Variants in FHOD3 observed in about 807,000 individuals in gnomAD.
FHOD3 encodes FH1/FH2 domain-containing protein 3.
A neutral mutation model predicts 173.0 loss-of-function variants in FHOD3; 90 were observed. That is an observed-to-expected ratio of 0.52 (90% CI 0.44 to 0.62). FHOD3 has a LOEUF of 0.62. Ranked by LOEUF, FHOD3 falls within the 20% of genes least tolerant of loss-of-function variation. The pLI is 0.00. For missense variants in FHOD3, 1,945 were observed against 2,034.7 expected (o/e 0.96, Z 0.85); for synonymous variants, 828 against 823.0 (o/e 1.01, Z -0.10).
At chr18:36,639,044 C>T (rs2035091114) in intron 10 of FHOD3, among the ~76,000 whole-genome samples, 1 of 152,158 alleles carries the variant, frequency 6.6e-6, no homozygotes, top group African/African-American at 2.4e-5. Context: ...TGAAATAAGA[C>T]CTGGATCCAC....
At chr18:36,323,936 G>A (rs1240284444) in intron 1 of FHOD3, among the ~76,000 whole-genome samples, 1 of 152,214 alleles carries the variant, frequency 6.6e-6, no homozygotes, top group African/African-American at 2.4e-5. Flanking sequence ...AGAACTTGTA[G>A]GGTCAAGACC....
At chr18:36,733,618 G>C (rs759933949) in intron 20 of FHOD3, among the ~76,000 whole-genome samples, 1 of 152,162 alleles carries the variant, frequency 6.6e-6, no homozygotes, top group Non-Finnish European at 1.5e-5. Flanking sequence ...TCAGATTCTA[G>C]AATGAACCAA....
At chr18:36,459,215 G>C (rs1397335473) in intron 3 of FHOD3, among the ~76,000 whole-genome samples, 1 of 152,204 alleles carries the variant, frequency 6.6e-6, no homozygotes, top group Non-Finnish European at 1.5e-5. Context: ...AAGACATCCT[G>C]ATTGAGAAAG....
chr18:36,432,431 A>C (rs1271405640), intron 3 of FHOD3, among the ~76,000 whole-genome samples: 2 of 152,062 alleles, frequency 1.3e-5, no homozygotes, highest in African/African-American at 4.8e-5. Context: ...CCAGTGTAAG[A>C]CTCTGTTCAA....
At chr18:36,377,795 C>G (rs952959269) in intron 3 of FHOD3, among the ~76,000 whole-genome samples, 2 of 152,180 alleles carry the variant, frequency 1.3e-5, no homozygotes, top group African/African-American at 2.4e-5. Flanking sequence ...CTGGGAGACA[C>G]CCCCATCCCA....
chr18:36,354,763 G>A (rs1020898007), intron 1 of FHOD3, among the ~76,000 whole-genome samples: 3 of 151,798 alleles, frequency 2.0e-5, no homozygotes, highest in Non-Finnish European at 4.4e-5. Context: ...CCGAGATCAT[G>A]CCACTGCACT....
chr18:36,482,599 C>A (rs535079187), intron 3 of FHOD3, among the ~76,000 whole-genome samples: 137 of 152,288 alleles, frequency 9.0e-4, no homozygotes, highest in Non-Finnish European at 1.6e-3. Flanking sequence ...CTACCCTGAG[C>A]AACTGATGCA....
chr18:36,762,106 GCTCA>G (rs1443954175), intron 27 of FHOD3, among the ~76,000 whole-genome samples: 1 of 152,124 alleles, frequency 6.6e-6, no homozygotes, highest in Non-Finnish European at 1.5e-5. Flanking sequence ...AATAGGCTTT[GCTCA>G]CTAACTAGTG....
chr18:36,703,983 T>C (rs1033744335), intron 17 of FHOD3, among the ~76,000 whole-genome samples: 9 of 152,262 alleles, frequency 5.9e-5, no homozygotes, highest in Admixed American at 2.6e-4. Context: ...GAATTCCTTT[T>C]AGTGGCTGTG....
At chr18:36,417,019 C>T (rs1016006847) in intron 3 of FHOD3, among the ~76,000 whole-genome samples, 8 of 151,948 alleles carry the variant, frequency 5.3e-5, no homozygotes, top group South Asian at 2.1e-4. Context: ...CATACACACA[C>T]GTACATACAC....
At chr18:36,702,954 C>G (rs1260793457) in intron 17 of FHOD3, among the ~76,000 whole-genome samples, 1 of 152,218 alleles carries the variant, frequency 6.6e-6, no homozygotes, top group African/African-American at 2.4e-5. Context: ...AATCCAGGTT[C>G]AAATGCAAGC....
intron 10 of FHOD3, among the ~76,000 whole-genome samples, chr18:36,642,010 C>T (rs1441584808): frequency 1.3e-5 from 2 of 151,654 alleles, no homozygotes; most frequent in Admixed American, 6.6e-5. Flanking sequence ...CATAATTACA[C>T]TGCTTTTTTA....
At chr18:36,408,000 TTGAC>T (rs994313293) in intron 3 of FHOD3, among the ~76,000 whole-genome samples, 2 of 152,190 alleles carry the variant, frequency 1.3e-5, no homozygotes, top group African/African-American at 2.4e-5. Flanking sequence ...TTGGAACTGT[TTGAC>T]TGAGGCTCAG....
At chr18:36,342,979 C>T (rs1338576273) in intron 1 of FHOD3, among the ~76,000 whole-genome samples, 1 of 152,180 alleles carries the variant, frequency 6.6e-6, no homozygotes, top group Admixed American at 6.5e-5. Flanking sequence ...TATCATTTCA[C>T]ATTTATTAGG....
intron 3 of FHOD3, among the ~76,000 whole-genome samples, chr18:36,428,231 C>G (rs1036495329): frequency 1.3e-5 from 2 of 152,086 alleles, no homozygotes; most frequent in African/African-American, 2.4e-5. Flanking sequence ...ACTCCCCAAG[C>G]AGATGATAAA....
In FHOD3 at chr18:36,771,722, G is replaced by A. The variant is rs1357462195; in HGVS notation, c.4786+2296G>A. ...TCTTTCTGGTGTGGGCAACCTCATC[G>A]CAGGGCTCACCATGGGGAGGAGCTG... On this transcript the variant is annotated intron_variant, in intron 28 of 28. Coordinates refer to ENST00000590592, the MANE Select transcript of FHOD3 (RefSeq NM_001281740.3). Among the ~76,000 whole-genome samples, 15 of 152,218 alleles carry A rather than the reference G, an allele frequency of 9.9e-5. 1 individual carries two copies. Among genetic ancestry groups the A allele is most frequent in the Admixed American group, 9.2e-4 (14 of 15,278 alleles).
intron 5 of FHOD3, among the ~76,000 whole-genome samples, chr18:36,514,253 C>CCGGCCT (rs2055834565): frequency 6.6e-6 from 1 of 152,092 alleles, no homozygotes; most frequent in Admixed American, 6.6e-5. Flanking sequence ...TCATGATCCG[C>CCGGCCT]CGGCCTCGGC....
chr18:36,462,827 A>G lies in FHOD3; in HGVS notation c.338-39105A>G, dbSNP rs28378231. On this transcript the variant is annotated intron_variant, in intron 3 of 28. Coordinates refer to ENST00000590592, the MANE Select transcript of FHOD3 (RefSeq NM_001281740.3). ...TATTTCATAGAGATGGGATCTACCT[A>G]TATTGCCCCGATTAATCTTGAACTC... Among the ~76,000 whole-genome samples the G allele has an allele frequency of 4.8e-4, 73 of 152,266 alleles. 1 individual carries two copies. The highest frequency in any genetic ancestry group is 1.7e-3 in the African/African-American group (70 of 41,546).
intron 1 of FHOD3, among the ~76,000 whole-genome samples, chr18:36,337,367 G>A (rs890402250): frequency 2.0e-5 from 3 of 152,114 alleles, no homozygotes; most frequent in Non-Finnish European, 2.9e-5. Context: ...CACTGGGCTG[G>A]TATATAACGT....
Sources: allele counts gnomAD v4.1 joint callset (sites outside exome capture counted in the v4.1 genomes callset), GRCh38; gene constraint gnomAD v4.1.1; transcripts MANE v1.5; gene names NCBI Gene and HGNC (gene_info 2026-07-23, HGNC 2026-07-21).